ADCYAP1R1: variants seen among roughly 807,000 people sequenced by gnomAD.
The protein encoded by ADCYAP1R1 is pituitary adenylate cyclase-activating polypeptide type I receptor.
A neutral mutation model predicts 67.6 loss-of-function variants in ADCYAP1R1; 44 were observed. That is an observed-to-expected ratio of 0.65 (90% CI 0.51 to 0.84). ADCYAP1R1 has a LOEUF of 0.84. Ranked by LOEUF, ADCYAP1R1 falls within the 40% of genes least tolerant of loss-of-function variation. The pLI is 0.00. For missense variants in ADCYAP1R1, 477 were observed against 587.9 expected (o/e 0.81, Z 1.95); for synonymous variants, 222 against 219.6 (o/e 1.01, Z -0.10).
chr7:31,067,120 G>GA (rs1013254372), intron 3 of ADCYAP1R1, among the ~76,000 whole-genome samples: 1 of 152,228 alleles, frequency 6.6e-6, no homozygotes, highest in African/African-American at 2.4e-5. Flanking sequence ...CTGGCCATAG[G>GA]AGGTCAGGGT....
chr7:31,090,181 G>A (rs967424113), intron 12 of ADCYAP1R1, among the ~76,000 whole-genome samples: 3 of 151,874 alleles, frequency 2.0e-5, no homozygotes, highest in African/African-American at 7.3e-5. Flanking sequence ...CTTCTTCTGA[G>A]GTTATTGCTC....
chr7:31,100,239 G>A (rs1252467068), intron 13 of ADCYAP1R1: 13 of 1,547,430 alleles, frequency 8.4e-6, no homozygotes, highest in Admixed American at 2.0e-5. Context: ...GGCTGTGGCC[G>A]GGAATCCTGG....
chr7:31,090,388 G>C (rs564199365), intron 12 of ADCYAP1R1, among the ~76,000 whole-genome samples: 13 of 152,112 alleles, frequency 8.5e-5, no homozygotes, highest in African/African-American at 2.9e-4. Flanking sequence ...TAAGTACCAG[G>C]TATTGATGTT....
intron 14 of ADCYAP1R1, 56 bp downstream of exon 14, chr7:31,103,422 C>A: frequency 6.2e-7 from 1 of 1,611,256 alleles, no homozygotes; most frequent in Non-Finnish European, 8.5e-7. Context: ...CCTGGTTGCT[C>A]ACCTGCAAGT....
chr7:31,086,346 T>C lies in ADCYAP1R1; in HGVS notation c.670-38T>C. 1.2e-6 allele frequency: 2 copies of C among 1,606,456 alleles called. No homozygotes were observed. The highest frequency in any genetic ancestry group is 1.7e-6 in the Non-Finnish European group (2 of 1,177,046). On this transcript the variant is annotated intron_variant, in intron 9 of 15. Coordinates refer to ENST00000304166, the MANE Select transcript of ADCYAP1R1 (RefSeq NM_001118.5). The surrounding 1 kb of genome is among the most constrained non-coding windows in gnomAD (Gnocchi z 5.0). ...GATTCTCCCTTGCTCCTGTTCCTGT[T>C]GGGCTCACGCCCCTCACCCTGGCGC...
intron 3 of ADCYAP1R1, among the ~76,000 whole-genome samples, chr7:31,068,885 A>G (rs1584488912): frequency 6.6e-6 from 1 of 152,216 alleles, no homozygotes; most frequent in Middle Eastern, 3.4e-3. Context: ...ACCTTCAAGA[A>G]CCTCTGGCCT....
In ADCYAP1R1 at chr7:31,103,271, C is replaced by A; in HGVS notation, c.1081C>A (p.Leu361Ile). The A allele has an allele frequency of 6.2e-7, 1 of 1,614,172 alleles. No individual in the cohort carries two copies. The highest frequency in any genetic ancestry group is 8.5e-7 in the Non-Finnish European group (1 of 1,180,018). The change falls in exon 14 of 16, where the codon CTA (leucine) becomes ATA (isoleucine). Residue 361 changes from leucine to isoleucine, a missense_variant. Coordinates refer to ENST00000304166, the MANE Select transcript of ADCYAP1R1 (RefSeq NM_001118.5). Reference protein sequence around the residue: ...LARSTLLLIPLFGIHYTVFAF... With the variant: ...LARSTLLLIPIFGIHYTVFAF... ...CCGGTCCACCCTGCTGCTCATCCCACTATTCGGAATCCACTACACAGTATT... is the reference window on the plus strand; with the variant it reads ...CCGGTCCACCCTGCTGCTCATCCCAATATTCGGAATCCACTACACAGTATT...
At chr7:31,072,001 A>T (rs1795010051) in intron 3 of ADCYAP1R1, among the ~76,000 whole-genome samples, 1 of 27,936 alleles carries the variant, frequency 3.6e-5, no homozygotes. Context: ...CCATCCATCC[A>T]GCCACCCACC....
At chr7:31,081,291 G>A (rs1795500860) in intron 5 of ADCYAP1R1, among the ~76,000 whole-genome samples, 1 of 152,156 alleles carries the variant, frequency 6.6e-6, no homozygotes, top group Non-Finnish European at 1.5e-5. Flanking sequence ...GAGCAGTTTT[G>A]GAGGCTGAGG....
chr7:31,081,704 AT>A lies in ADCYAP1R1; in HGVS notation c.287-4del. The A allele has an allele frequency of 1.3e-6, 2 of 1,595,214 alleles. No individual in the cohort carries two copies. Among genetic ancestry groups the A allele is most frequent in the Non-Finnish European group, 1.7e-6 (2 of 1,170,914 alleles). On this transcript the variant is annotated splice_region_variant and splice_polypyrimidine_tract_variant and intron_variant, in intron 5 of 15. Coordinates refer to ENST00000304166, the MANE Select transcript of ADCYAP1R1 (RefSeq NM_001118.5). ...CATTTTGATATATGCCTATGTCTGT[AT>A]TTTTCAGGAGAGTCTGATTTTGGTG...
chr7:31,092,629 T>C lies in ADCYAP1R1; in HGVS notation c.955-15T>C. The C allele has an allele frequency of 6.2e-7, 1 of 1,601,834 alleles. No homozygotes were observed. Among genetic ancestry groups the C allele is most frequent in the Non-Finnish European group, 8.5e-7 (1 of 1,176,178 alleles). On this transcript the variant is annotated splice_polypyrimidine_tract_variant and intron_variant, in intron 12 of 15. Transcript: ENST00000304166. ...AGAATCATGTCCATCTGCTTTTTTT[T>C]TTTTTGCTCCTTAGGTTAACTTTGT... is the stretch of plus-strand genomic sequence containing the variant.
chr7:31,081,148 G>A (rs1001647532), intron 5 of ADCYAP1R1, among the ~76,000 whole-genome samples: 4 of 152,132 alleles, frequency 2.6e-5, no homozygotes, highest in African/African-American at 9.7e-5. Context: ...TTTGAGAAGC[G>A]GGGATGGGGT....
chr7:31,060,338 T>C (rs1175978640), intron 1 of ADCYAP1R1, among the ~76,000 whole-genome samples: 1 of 152,216 alleles, frequency 6.6e-6, no homozygotes, highest in Non-Finnish European at 1.5e-5. Context: ...GCTGAGTGAG[T>C]GTGTGTAAGC....
At chr7:31,081,583 C>A (rs1795514348) in intron 5 of ADCYAP1R1, 130 bp from the exon 6 acceptor site, 4 of 635,778 alleles carry the variant, frequency 6.3e-6, no homozygotes, top group Admixed American at 2.8e-5. Flanking sequence ...TGTGATATTG[C>A]CTCTTGGCCA....
chr7:31,075,192 C>T (rs1041253283), intron 3 of ADCYAP1R1, among the ~76,000 whole-genome samples: 5 of 152,158 alleles, frequency 3.3e-5, no homozygotes, highest in East Asian at 1.9e-4. Context: ...GGAGGCCTCT[C>T]GGGGCAATGG....
At chr7:31,077,223 G>A (rs1237679495) in intron 3 of ADCYAP1R1, among the ~76,000 whole-genome samples, 1 of 152,232 alleles carries the variant, frequency 6.6e-6, no homozygotes, top group Non-Finnish European at 1.5e-5. Context: ...ACCTCAGTGT[G>A]TGTATATATA....
At chr7:31,074,042 T>G (rs532856291) in intron 3 of ADCYAP1R1, among the ~76,000 whole-genome samples, 1 of 152,276 alleles carries the variant, frequency 6.6e-6, no homozygotes, top group African/African-American at 2.4e-5. Flanking sequence ...TTTAGGCAGC[T>G]GTAGCTGCCC....
In ADCYAP1R1 at chr7:31,108,083, A is replaced by C. The variant is rs1796718005; in HGVS notation, c.*1399A>C. 1 of 152,172 alleles carries C rather than the reference A, an allele frequency of 6.6e-6. No homozygotes were observed. The highest frequency in any genetic ancestry group is 2.1e-4 in the South Asian group (1 of 4,826). 9.4% of individuals were successfully genotyped at this position (152,172 alleles called of 1,614,324 possible). A position where few individuals can be genotyped will look rare whatever the true frequency, so the allele number is the denominator to read the frequency against. ...TCATTCCATGTCAGCATTTGGTGTT[A>C]CTCCTGTCCAAATTCTGTTTGCAGA... On this transcript the variant is annotated 3_prime_UTR_variant, in exon 16 of 16. Transcript: ENST00000304166.
rs528612670 is a variant in ADCYAP1R1 at position 31,108,011 on chromosome 7, G to T, written c.*1327G>T. ...GTAAAATAGGGCAGTGCCCAGCTGGGGAGGTAGAGGAAAGTGCTAGAGTAC... is the reference window on the plus strand; with the variant it reads ...GTAAAATAGGGCAGTGCCCAGCTGGTGAGGTAGAGGAAAGTGCTAGAGTAC... On this transcript the variant is annotated 3_prime_UTR_variant, in exon 16 of 16. Transcript: ENST00000304166. 1.3e-5 allele frequency: 2 copies of T among 152,262 alleles called. No individual in the cohort carries two copies. The highest frequency in any genetic ancestry group is 2.9e-5 in the Non-Finnish European group (2 of 68,064). 9.4% of individuals were successfully genotyped at this position (152,262 alleles called of 1,614,324 possible). A position where few individuals can be genotyped will look rare whatever the true frequency, so the allele number is the denominator to read the frequency against.
Sources: allele counts gnomAD v4.1 joint callset (sites outside exome capture counted in the v4.1 genomes callset), GRCh38; gene constraint gnomAD v4.1.1; non-coding constraint Gnocchi (gnomAD v3.1); transcripts MANE v1.5; gene names NCBI Gene and HGNC (gene_info 2026-07-23, HGNC 2026-07-21).